MARCHF1: variants seen among roughly 807,000 people sequenced by gnomAD.
The protein encoded by MARCHF1 is membrane associated ring-CH-type finger 1, also known as E3 ubiquitin-protein ligase MARCHF1.
A neutral mutation model predicts 54.2 loss-of-function variants in MARCHF1; 40 were observed. The observed-to-expected ratio is 0.74, with a 90% CI of 0.57 to 0.96. MARCHF1 has a LOEUF of 0.96. Ranked by LOEUF, MARCHF1 falls within the 40% of genes least tolerant of loss-of-function variation. MARCHF1 has a pLI of 0.00. For missense variants in MARCHF1, 586 were observed against 656.5 expected (o/e 0.89, Z 1.17); for synonymous variants, 236 against 236.3 (o/e 1.00, Z 0.01).
intron 1 of MARCHF1, among the ~76,000 whole-genome samples, chr4:164,119,916 T>C (rs1335976390): frequency 1.3e-5 from 2 of 151,934 alleles, no homozygotes; most frequent in Admixed American, 6.6e-5. Flanking sequence ...CAATCATTCA[T>C]AGACCTAATA....
At chr4:163,776,861 T>A (rs1474830397) in intron 4 of MARCHF1, among the ~76,000 whole-genome samples, 1 of 152,172 alleles carries the variant, frequency 6.6e-6, no homozygotes, top group Non-Finnish European at 1.5e-5. Flanking sequence ...TTTGAAATAT[T>A]CAAATTAACA....
intron 1 of MARCHF1, among the ~76,000 whole-genome samples, chr4:164,330,336 A>G (rs1735402307): frequency 6.6e-6 from 1 of 152,162 alleles, no homozygotes; most frequent in Admixed American, 6.5e-5. Context: ...ATAGGCAACC[A>G]AACCTCATGT....
At chr4:164,026,842 C>T (rs1753779008) in intron 2 of MARCHF1, among the ~76,000 whole-genome samples, 1 of 152,112 alleles carries the variant, frequency 6.6e-6, no homozygotes, top group Non-Finnish European at 1.5e-5. Context: ...AATACCCCCA[C>T]AGTCTCTGCC....
chr4:164,190,289 C>T (rs113417063), intron 1 of MARCHF1: 1 of 795,534 alleles, frequency 1.3e-6, no homozygotes, highest in Non-Finnish European at 2.1e-6. Context: ...GAAGTGCAAG[C>T]CCTCTCCCAG....
intron 1 of MARCHF1, among the ~76,000 whole-genome samples, chr4:164,211,293 T>C (rs1026631024): frequency 2.0e-4 from 26 of 128,276 alleles, no homozygotes; most frequent in Admixed American, 1.2e-3. Flanking sequence ...TATATATATA[T>C]ATACCACATT....
chr4:164,279,827 T>C (rs1240141262), intron 1 of MARCHF1, among the ~76,000 whole-genome samples: 3 of 151,724 alleles, frequency 2.0e-5, no homozygotes. Flanking sequence ...AATCATTATG[T>C]GTAATTACAA....
intron 1 of MARCHF1, among the ~76,000 whole-genome samples, chr4:164,348,082 GGT>G (rs1730163088): frequency 6.6e-6 from 1 of 152,056 alleles, no homozygotes; most frequent in Non-Finnish European, 1.5e-5. Context: ...TGTGGGAGGT[GGT>G]GGCAATCTGA....
intron 4 of MARCHF1, among the ~76,000 whole-genome samples, chr4:163,721,761 G>A (rs925229738): frequency 1.3e-4 from 20 of 152,102 alleles, no homozygotes; most frequent in African/African-American, 4.6e-4. Flanking sequence ...GTGTTGGGAG[G>A]GTGTATGTGT....
At chr4:164,160,653 G>T (rs1160180353) in intron 1 of MARCHF1, among the ~76,000 whole-genome samples, 2 of 152,096 alleles carry the variant, frequency 1.3e-5, no homozygotes, top group Non-Finnish European at 2.9e-5. Flanking sequence ...TAAAATAAGA[G>T]GTACAGCATG....
At position 164,307,876 on chromosome 4, in the gene MARCHF1, A is replaced by G. The variant is rs555272754; in HGVS notation, c.-323+75994T>C. Among the ~76,000 whole-genome samples the G allele has an allele frequency of 2.0e-4, 31 of 152,352 alleles. 2 individuals carry two copies. In the South Asian group the frequency reaches 6.2e-3, roughly 31 times the overall value. On this transcript the variant is annotated intron_variant, in intron 1 of 9. Coordinates refer to ENST00000514618, the MANE Select transcript of MARCHF1 (RefSeq NM_001394959.1). ...TAGTCCCCTATTTTGCCTCCTTTCCAGAAGAATAATGAGCTTAATGTTTAA... is the reference window on the plus strand; with the variant it reads ...TAGTCCCCTATTTTGCCTCCTTTCCGGAAGAATAATGAGCTTAATGTTTAA...
intron 3 of MARCHF1, among the ~76,000 whole-genome samples, chr4:163,860,205 C>T (rs759687522): frequency 1.2e-4 from 18 of 152,018 alleles, no homozygotes; most frequent in South Asian, 2.1e-4. Flanking sequence ...GGAGCCCTAA[C>T]GGGGTAGAAA....
At chr4:164,197,778 C>G (rs879495948) in intron 1 of MARCHF1, 29 of 1,605,502 alleles carry the variant, frequency 1.8e-5, no homozygotes, top group Non-Finnish European at 2.4e-5. Context: ...CTCGAACCCA[C>G]GGCCGCACGT....
Position 164,084,964 on chromosome 4 carries a change from AATAAATTTGCTTT to A in MARCHF1, c.-248+26611_-248+26623del, listed in dbSNP as rs1386857214. Among the ~76,000 whole-genome samples the A allele has an allele frequency of 1.4e-4, 22 of 151,922 alleles. 1 individual carries two copies. The highest frequency in any genetic ancestry group is 4.3e-4 in the African/African-American group (18 of 41,558). On this transcript the variant is annotated intron_variant, in intron 2 of 9. Coordinates refer to ENST00000514618, the MANE Select transcript of MARCHF1 (RefSeq NM_001394959.1). ...ATAGTCATCTATTTATATTTTATTA[AATAAATTTGCTTT>A]TTAAGCCCACAAAGCCCAGAAAAGA...
At chr4:164,034,542 C>G (rs1164964576) in intron 2 of MARCHF1, among the ~76,000 whole-genome samples, 1 of 152,000 alleles carries the variant, frequency 6.6e-6, no homozygotes, top group South Asian at 2.1e-4. Flanking sequence ...ATTTATGATT[C>G]CAAATTTTGA....
chr4:164,050,658 T>C (rs1754344751), intron 2 of MARCHF1, among the ~76,000 whole-genome samples: 1 of 151,504 alleles, frequency 6.6e-6, no homozygotes, highest in African/African-American at 2.4e-5. Context: ...ACCTAGTGAA[T>C]TAAAATCTGC....
chr4:163,947,489 A>C (rs1752047276), intron 3 of MARCHF1, among the ~76,000 whole-genome samples: 1 of 152,234 alleles, frequency 6.6e-6, no homozygotes, highest in Admixed American at 6.5e-5. Flanking sequence ...CAGGGTCCAC[A>C]TAAGAGGGAG....
chr4:164,067,039 C>CT (rs34972964), intron 2 of MARCHF1, among the ~76,000 whole-genome samples: 112,252 of 151,864 alleles, frequency 0.74, 41,937 homozygotes, highest in Non-Finnish European at 0.79. Flanking sequence ...CTGACGAAGG[C>CT]TTTTAATAGT....
chr4:163,698,721 T>G (rs1041729989), intron 5 of MARCHF1, among the ~76,000 whole-genome samples: 3 of 152,154 alleles, frequency 2.0e-5, no homozygotes, highest in Non-Finnish European at 4.4e-5. Context: ...TAAGTAAAAC[T>G]CAAAGAGCAG....
chr4:164,207,454 A>G (rs928255234), intron 1 of MARCHF1, among the ~76,000 whole-genome samples: 1 of 152,258 alleles, frequency 6.6e-6, no homozygotes, highest in African/African-American at 2.4e-5. Context: ...CAATAAATGT[A>G]TAAATATAAA....
Sources: allele counts gnomAD v4.1 joint callset (sites outside exome capture counted in the v4.1 genomes callset), GRCh38; gene constraint gnomAD v4.1.1; transcripts MANE v1.5; gene names NCBI Gene and HGNC (gene_info 2026-07-23, HGNC 2026-07-21).